The following DACH2 variants were observed in gnomAD, a reference collection of about 807,000 sequenced individuals.
DACH2 encodes the protein dachshund homolog 2.
DACH2 carries 17 observed loss-of-function variants against 35.8 expected under a neutral mutation model. That is an observed-to-expected ratio of 0.48 (90% CI 0.33 to 0.71). The LOEUF is 0.71. Ranked by LOEUF, DACH2 falls within the 30% of genes least tolerant of loss-of-function variation. The pLI is 0.02. For synonymous variants in DACH2, 195 were observed against 177.3 expected (o/e 1.10, Z -0.79); for missense variants, 469 against 472.7 (o/e 0.99, Z 0.07).
intron 1 of DACH2, among the ~76,000 whole-genome samples, chrX:86,315,289 G>A (rs775740363): frequency 8.9e-6 from 1 of 112,020 alleles, no homozygotes; most frequent in East Asian, 2.8e-4. Flanking sequence ...TTTTAAGCCC[G>A]CTATTGAAAC....
chrX:86,188,390 A>C (rs1428072021), intron 1 of DACH2, among the ~76,000 whole-genome samples: 1 of 111,650 alleles, frequency 9.0e-6, no homozygotes, highest in African/African-American at 3.3e-5. Context: ...GCTTTGGATA[A>C]AGTATTTATT....
chrX:86,384,841 T>C (rs757425638), intron 2 of DACH2, among the ~76,000 whole-genome samples: 4 of 111,897 alleles, frequency 3.6e-5, no homozygotes, highest in Admixed American at 2.8e-4. Context: ...TCCAGATGTT[T>C]TTAAAAATGT....
chrX:86,417,249 T>C (rs745337072), intron 2 of DACH2, among the ~76,000 whole-genome samples: 1 of 111,009 alleles, frequency 9.0e-6, no homozygotes, highest in East Asian at 2.8e-4. Flanking sequence ...ACTTCCAATA[T>C]TGGGGATCAA....
intron 1 of DACH2, among the ~76,000 whole-genome samples, chrX:86,301,724 A>G (rs1405397384): frequency 8.9e-6 from 1 of 112,304 alleles, no homozygotes; most frequent in Non-Finnish European, 1.9e-5. Context: ...TCATAATTGC[A>G]TAATGTACAA....
intron 1 of DACH2, among the ~76,000 whole-genome samples, chrX:86,241,919 C>G (rs111835256): frequency 1.8e-5 from 2 of 112,489 alleles, no homozygotes; most frequent in Non-Finnish European, 3.8e-5. Context: ...TGCAGGAGCA[C>G]AGAAGGCAAG....
chrX:86,605,259 T>G (rs2148362258), intron 3 of DACH2, among the ~76,000 whole-genome samples: 1 of 111,915 alleles, frequency 8.9e-6, no homozygotes, highest in East Asian at 2.8e-4. Context: ...TGGTATCATA[T>G]TGTTTCTATC....
At chrX:86,290,215 GTCT>G (rs1371447303) in intron 1 of DACH2, among the ~76,000 whole-genome samples, 1 of 72,093 alleles carries the variant, frequency 1.4e-5, no homozygotes, top group African/African-American at 6.0e-5. Context: ...CTGCATAAAT[GTCT>G]TCTTTTGAGA....
At chrX:86,474,539 T>C (rs1201879300) in intron 2 of DACH2, among the ~76,000 whole-genome samples, 1 of 112,019 alleles carries the variant, frequency 8.9e-6, no homozygotes, top group East Asian at 2.8e-4. Flanking sequence ...TTTTTCTATA[T>C]GGCAAGAGAT....
At chrX:86,784,279 A>T in intron 7 of DACH2, among the ~76,000 whole-genome samples, 1 of 102,393 alleles carries the variant, frequency 9.8e-6, no homozygotes, top group Non-Finnish European at 2.0e-5. Context: ...AGATTAAGAA[A>T]CCAAAAACAA....
At chrX:86,745,708 C>T (rs1482806948) in intron 7 of DACH2, among the ~76,000 whole-genome samples, 1 of 111,034 alleles carries the variant, frequency 9.0e-6, no homozygotes, top group African/African-American at 3.3e-5. Context: ...TGAACATACA[C>T]ATGCATGATT....
chrX:86,409,948 A>T (rs1384602899), intron 2 of DACH2, among the ~76,000 whole-genome samples: 1 of 112,146 alleles, frequency 8.9e-6, no homozygotes, highest in East Asian at 2.8e-4. Context: ...CCCCAAAGGC[A>T]TTCTTAATAC....
chrX:86,688,833 G>A (rs1030423888), intron 4 of DACH2, among the ~76,000 whole-genome samples: 2 of 112,150 alleles, frequency 1.8e-5, no homozygotes, highest in Admixed American at 1.9e-4. Flanking sequence ...ATCAATATCT[G>A]TACTTCCCAA....
At position 86,481,673 on chromosome X, in the gene DACH2, C is replaced by T. The variant is rs750427565; in HGVS notation, c.528-32606C>T. ...CACTTATGCAGATGACTGCTTCATA[C>T]GAGAGTAATTCAGCACAAGTTTACA... On this transcript the variant is annotated intron_variant, in intron 2 of 11. Transcript: ENST00000373125. The T allele has an allele frequency of 6.3e-5, 7 of 111,982 alleles. No individual in the cohort carries two copies. The South Asian group carries it at 1.5e-3, about 23-fold the overall frequency. 9.2% of individuals were successfully genotyped at this position (111,982 alleles called of 1,213,427 possible). A position where few individuals can be genotyped will look rare whatever the true frequency, so the allele number is the denominator to read the frequency against.
At chrX:86,394,952 A>G (rs1466519082) in intron 2 of DACH2, among the ~76,000 whole-genome samples, 1 of 111,634 alleles carries the variant, frequency 9.0e-6, no homozygotes, top group Non-Finnish European at 1.9e-5. Flanking sequence ...AGTGTTTTAT[A>G]TTTGCAATTT....
chrX:86,451,142 G>T (rs1305964184), intron 2 of DACH2, among the ~76,000 whole-genome samples: 1 of 110,980 alleles, frequency 9.0e-6, no homozygotes, highest in Non-Finnish European at 1.9e-5. Context: ...ATCTTTGCCC[G>T]TGCCTATGTT....
chrX:86,358,588 T>C (rs903495997), intron 1 of DACH2, among the ~76,000 whole-genome samples: 4 of 110,354 alleles, frequency 3.6e-5, no homozygotes, highest in Non-Finnish European at 7.6e-5. Flanking sequence ...TACCTACAAT[T>C]GCTGGGGAGC....
At chrX:86,458,249 TA>T (rs1198152453) in intron 2 of DACH2, among the ~76,000 whole-genome samples, 1 of 111,680 alleles carries the variant, frequency 9.0e-6, no homozygotes, top group Non-Finnish European at 1.9e-5. Context: ...AAGTTTCCAA[TA>T]AAAAGGCAAA....
intron 2 of DACH2, among the ~76,000 whole-genome samples, chrX:86,466,904 T>C (rs947849718): frequency 3.6e-5 from 4 of 111,137 alleles, no homozygotes; most frequent in Non-Finnish European, 7.5e-5. Context: ...ATCCCCAGGC[T>C]GCACACAGCA....
intron 3 of DACH2, among the ~76,000 whole-genome samples, chrX:86,589,519 C>T (rs1008254719): frequency 1.8e-5 from 2 of 111,223 alleles, no homozygotes; most frequent in African/African-American, 6.5e-5. Context: ...GTTAGTGTAG[C>T]GCATTTGGCA....
Sources: gnomAD v4.1 joint callset for allele counts (sites outside exome capture counted in the v4.1 genomes callset) on GRCh38, gnomAD v4.1.1 for gene constraint, MANE v1.5 for transcripts, NCBI Gene and HGNC (gene_info 2026-07-23, HGNC 2026-07-21) for gene names.